Variants in MAP7 observed in about 807,000 individuals in gnomAD.
The protein encoded by MAP7 is microtubule associated protein 7.
MAP7 carries 52 observed loss-of-function variants against 94.8 expected under a neutral mutation model. The observed-to-expected ratio is 0.55, with a 90% confidence interval of 0.44 to 0.69. The LOEUF is 0.69. Among genes scored for constraint, MAP7 ranks in the 30% least tolerant of loss-of-function variants. The pLI is 0.00. For synonymous variants in MAP7, 350 were observed against 357.0 expected, an observed-to-expected ratio of 0.98 and a Z score of 0.22; for missense variants, 940 against 964.6, an observed-to-expected ratio of 0.97 and a Z score of 0.34.
At chr6:136,366,160 T>G in intron 9 of MAP7, 142 bp from the exon 10 acceptor site, 2 of 1,062,642 alleles carry the variant, frequency 1.9e-6, no homozygotes, top group East Asian at 2.6e-5. Context: ...AGAAATAGAG[T>G]TGCTTTAGGG....
intron 1 of MAP7, among the ~76,000 whole-genome samples, chr6:136,543,476 C>T (rs550015066): frequency 3.3e-5 from 5 of 152,132 alleles, no homozygotes; most frequent in Non-Finnish European, 7.4e-5. Context: ...TTAGTAGAAA[C>T]CCCATCTCTA....
chr6:136,347,734 G>C (rs560502407), intron 16 of MAP7, among the ~76,000 whole-genome samples: 2 of 152,242 alleles, frequency 1.3e-5, no homozygotes, highest in Admixed American at 6.5e-5. Flanking sequence ...TACTGAGTGA[G>C]AAGTATTGAC....
chr6:136,511,074 G>A (rs895621860), intron 1 of MAP7, among the ~76,000 whole-genome samples: 2 of 152,156 alleles, frequency 1.3e-5, no homozygotes, highest in African/African-American at 2.4e-5. Flanking sequence ...GTAGATGTGT[G>A]TCACTGAAAC....
intron 1 of MAP7, among the ~76,000 whole-genome samples, chr6:136,447,962 C>T (rs750204151): frequency 7.2e-5 from 11 of 152,102 alleles, no homozygotes; most frequent in African/African-American, 1.7e-4. Flanking sequence ...GAGGCTGAGG[C>T]GGGCAGATCA....
intron 7 of MAP7, among the ~76,000 whole-genome samples, chr6:136,373,604 G>A (rs1451847757): frequency 6.6e-6 from 1 of 152,140 alleles, no homozygotes; most frequent in Non-Finnish European, 1.5e-5. Flanking sequence ...GAGTATTCAG[G>A]TTCTAAGGTC....
chr6:136,457,848 C>A lies in MAP7; in HGVS notation c.68-36049G>T, dbSNP rs138110217. On this transcript the variant is annotated intron_variant, in intron 1 of 17. Coordinates refer to ENST00000354570, the MANE Select transcript of MAP7 (RefSeq NM_003980.6). ...TATGAAACCTCACAGCTGACATCAT[C>A]TCAGTAGTGAAAAACTATACCTTTA... Among the ~76,000 whole-genome samples, 142 of 152,268 alleles carry A rather than the reference C, an allele frequency of 9.3e-4. 2 individuals are homozygous for A. The highest frequency in any genetic ancestry group is 3.3e-3 in the African/African-American group (138 of 41,568).
intron 15 of MAP7, among the ~76,000 whole-genome samples, chr6:136,358,901 G>C (rs535513793): frequency 1.3e-5 from 2 of 152,256 alleles, no homozygotes; most frequent in South Asian, 4.1e-4. Flanking sequence ...CCTGTCATTG[G>C]ACCTGAGTGC....
Position 136,346,073 on chromosome 6 carries a change from G to C in MAP7, c.2022C>G (p.Pro674=), listed in dbSNP as rs775133731. ...TTTCATTTGGTTGTTTTTCCAAATC[G>C]GGAGTGCTAAGGAATTTGAAAAATA... ...HQSKVTVEST[P]DLEKQPNENG... Residue 674 remains proline, a synonymous_variant, in exon 17 of 18, where the codon CCC becomes CCG. Coordinates refer to ENST00000354570, the MANE Select transcript of MAP7 (RefSeq NM_003980.6). The C allele has an allele frequency of 6.9e-6, 11 of 1,601,700 alleles. No homozygotes were observed. In the Admixed American group the frequency reaches 1.2e-4, roughly 17 times the overall value.
intron 10 of MAP7, chr6:136,364,602 G>A: frequency 1.0e-5 from 2 of 197,552 alleles, no homozygotes; most frequent in Non-Finnish European, 2.0e-5. Context: ...AACAGAATGT[G>A]GCAGAAACAT....
At chr6:136,387,932 T>A (rs926571027) in intron 5 of MAP7, among the ~76,000 whole-genome samples, 3 of 152,200 alleles carry the variant, frequency 2.0e-5, no homozygotes, top group Non-Finnish European at 4.4e-5. Context: ...TCTAGCTCAA[T>A]AAACCTATAT....
intron 1 of MAP7, among the ~76,000 whole-genome samples, chr6:136,521,609 A>C (rs950169411): frequency 3.9e-5 from 6 of 152,224 alleles, no homozygotes; most frequent in African/African-American, 1.4e-4. Flanking sequence ...GGCCATTACA[A>C]AGCAGAAGTT....
At chr6:136,526,992 G>C (rs556173766) in intron 1 of MAP7, among the ~76,000 whole-genome samples, 1 of 152,212 alleles carries the variant, frequency 6.6e-6, no homozygotes, top group East Asian at 1.9e-4. Flanking sequence ...AACGTGGAGT[G>C]TCTCCTCTGC....
At chr6:136,539,245 C>T (rs749093251) in intron 1 of MAP7, among the ~76,000 whole-genome samples, 1 of 152,082 alleles carries the variant, frequency 6.6e-6, no homozygotes, top group Non-Finnish European at 1.5e-5. Context: ...ATTACCAATA[C>T]CCTATTTTAA....
chr6:136,533,177 C>G (rs775364907), intron 1 of MAP7, among the ~76,000 whole-genome samples: 5 of 152,142 alleles, frequency 3.3e-5, no homozygotes, highest in African/African-American at 4.8e-5. Context: ...GAGGCTGAGG[C>G]AGGAGAATCG....
At position 136,463,135 on chromosome 6, in the gene MAP7, A is replaced by T. The variant is rs936405660; in HGVS notation, c.68-41336T>A. On this transcript the variant is annotated intron_variant, in intron 1 of 17. Coordinates refer to ENST00000354570, the MANE Select transcript of MAP7 (RefSeq NM_003980.6). ...CAGCATAGTTGTAGTCAATTAATAC[A>T]TCTTAAGAGTTTGGCCCCATATCAT... 5.3e-5 allele frequency among the ~76,000 whole-genome samples: 8 copies of T among 152,278 alleles called. No individual in the cohort carries two copies. In the South Asian group the frequency reaches 1.2e-3, roughly 24 times the overall value.
chr6:136,343,021 A>G lies in MAP7; in HGVS notation c.*1207T>C, dbSNP rs1045755222. On this transcript the variant is annotated 3_prime_UTR_variant, in exon 18 of 18. Coordinates refer to ENST00000354570, the MANE Select transcript of MAP7 (RefSeq NM_003980.6). ...CTGCACATTACAGTGGTATAAATTT[A>G]TCTTTTAAACACTCCACATAAAAAC... The G allele has an allele frequency of 4.0e-4, 61 of 152,642 alleles. No individual in the cohort carries two copies. The highest frequency in any genetic ancestry group is 1.4e-3 in the African/African-American group (57 of 41,592). 9.5% of individuals were successfully genotyped at this position (152,642 alleles called of 1,614,324 possible).
chr6:136,361,548 A>G (rs1287352844), intron 11 of MAP7, among the ~76,000 whole-genome samples: 1 of 152,252 alleles, frequency 6.6e-6, no homozygotes, highest in Admixed American at 6.5e-5. Context: ...GTAAATAAAT[A>G]AGGGTCACAG....
At chr6:136,423,530 G>A (rs1020361400) in intron 1 of MAP7, among the ~76,000 whole-genome samples, 4 of 152,028 alleles carry the variant, frequency 2.6e-5, no homozygotes, top group Non-Finnish European at 4.4e-5. Flanking sequence ...TGGGTCAGCC[G>A]CTGTTTCCAG....
At chr6:136,428,510 A>G (rs969951758) in intron 1 of MAP7, among the ~76,000 whole-genome samples, 2 of 151,874 alleles carry the variant, frequency 1.3e-5, no homozygotes, top group Non-Finnish European at 2.9e-5. Flanking sequence ...ACAGAGCAAG[A>G]CTCTGTCTCA....
Sources: gnomAD v4.1 joint callset for allele counts (sites outside exome capture counted in the v4.1 genomes callset) on GRCh38, gnomAD v4.1.1 for gene constraint, MANE v1.5 for transcripts, NCBI Gene and HGNC (gene_info 2026-07-23, HGNC 2026-07-21) for gene names.